The following MEGF10 variants were observed in gnomAD, a reference collection of about 807,000 sequenced individuals.
MEGF10 encodes the protein multiple EGF like domains 10.
A neutral mutation model predicts 147.5 loss-of-function variants in MEGF10; 86 were observed. That is an observed-to-expected ratio of 0.58 (90% confidence interval 0.49 to 0.70). MEGF10 has a LOEUF of 0.70. MEGF10 is among the 30% of genes least tolerant of loss of function. The pLI, the probability that MEGF10 is intolerant of heterozygous loss-of-function variation, is 0.00. For synonymous variants in MEGF10, 478 were observed against 525.5 expected, an observed-to-expected ratio of 0.91 and a Z score of 1.24; for missense variants, 1,329 against 1,487.3, an observed-to-expected ratio of 0.89 and a Z score of 1.75.
chr5:127,357,588 A>AAAATAAAT (rs71573990), intron 4 of MEGF10, among the ~76,000 whole-genome samples: 11,821 of 132,456 alleles, frequency 0.089, 601 homozygotes, highest in African/African-American at 0.12. Flanking sequence ...ACCCTGCCTC[A>AAAATAAAT]AAATAAATAA....
At chr5:127,336,544 T>G (rs188185297) in intron 2 of MEGF10, among the ~76,000 whole-genome samples, 1 of 152,258 alleles carries the variant, frequency 6.6e-6, no homozygotes, top group Non-Finnish European at 1.5e-5. Context: ...TTTTGGTTCC[T>G]AGAAACCAGT....
In MEGF10 at chr5:127,322,751, T is replaced by A. The variant is rs115552029; in HGVS notation, c.-18-8540T>A. Among the ~76,000 whole-genome samples, 1,287 of 152,292 alleles carry A rather than the reference T, an allele frequency of 8.5e-3. 17 individuals carry two copies. Among genetic ancestry groups the A allele is most frequent in the African/African-American group, 0.029 (1,206 of 41,562 alleles). On this transcript the variant is annotated intron_variant, in intron 1 of 24. Coordinates refer to ENST00000503335, the MANE Select transcript of MEGF10 (RefSeq NM_001256545.2). ...AACAGCTGATGAAATTTGAATTAGGTCTATGGATTAAATTGGTACTATTGC... is the reference window on the plus strand; with the variant it reads ...AACAGCTGATGAAATTTGAATTAGGACTATGGATTAAATTGGTACTATTGC...
chr5:127,243,826 TA>T, the MEGF10 span, among the ~76,000 whole-genome samples: 3 of 152,060 alleles, frequency 2.0e-5, no homozygotes, highest in Non-Finnish European at 4.4e-5. Flanking sequence ...TCTTCAACTG[TA>T]AAGATAAGAG....
At chr5:127,275,569 G>A in the MEGF10 span, among the ~76,000 whole-genome samples, 1 of 151,654 alleles carries the variant, frequency 6.6e-6, no homozygotes, top group Non-Finnish European at 1.5e-5. Flanking sequence ...CTGCCTTACT[G>A]CTGCCTTTCG....
intron 4 of MEGF10, among the ~76,000 whole-genome samples, chr5:127,355,824 C>T (rs1762259035): frequency 6.6e-6 from 1 of 151,540 alleles, no homozygotes; most frequent in Non-Finnish European, 1.5e-5. Context: ...TCAATCTAAA[C>T]AGAAGGAGAT....
At chr5:127,326,594 C>T (rs745980087) in intron 1 of MEGF10, among the ~76,000 whole-genome samples, 3 of 152,140 alleles carry the variant, frequency 2.0e-5, no homozygotes, top group Non-Finnish European at 4.4e-5. Context: ...TCTCTGTTCA[C>T]GGCCTCAAAG....
intron 1 of MEGF10, among the ~76,000 whole-genome samples, chr5:127,330,294 C>T (rs1761201425): frequency 6.6e-6 from 1 of 152,142 alleles, no homozygotes; most frequent in African/African-American, 2.4e-5. Context: ...CTTCTAATGC[C>T]ACTCTGCACC....
In MEGF10 at chr5:127,339,216, G is replaced by A. The variant is rs764902199; in HGVS notation, c.213G>A (p.Arg71=). Reference sequence around the variant, plus strand: ...TTCTAAACTGGTTTAAATGCACGCGGCACAGGTAATAGAAGCTCAGGCATG... The same window carrying A: ...TTCTAAACTGGTTTAAATGCACGCGACACAGGTAATAGAAGCTCAGGCATG... ...TDILNWFKCT[R]HRVSYRTAYR... The change falls in exon 3 of 25, where the codon CGG becomes CGA. Residue 71 remains arginine, a synonymous_variant. Transcript: ENST00000503335. The A allele has an allele frequency of 3.7e-6, 6 of 1,608,254 alleles. No individual in the cohort carries two copies. In the East Asian group the frequency reaches 6.7e-5, roughly 18 times the overall value.
chr5:127,459,898 T>G lies in MEGF10; in HGVS notation c.*2580T>G, dbSNP rs529247780. ...ATTTTCTAAATATTTTGATATCAAT[T>G]TGGGTAAAGAAAGGAATACTTTTGT... On this transcript the variant is annotated 3_prime_UTR_variant, in exon 25 of 25. Coordinates refer to ENST00000503335, the MANE Select transcript of MEGF10 (RefSeq NM_001256545.2). 6.6e-6 allele frequency: 1 copy of G among 152,296 alleles called. No homozygotes were observed. The highest frequency in any genetic ancestry group is 1.9e-4 in the East Asian group (1 of 5,188). 9.4% of individuals were successfully genotyped at this position (152,296 alleles called of 1,614,324 possible).
the MEGF10 span, among the ~76,000 whole-genome samples, chr5:127,266,653 A>C: frequency 6.6e-6 from 1 of 152,166 alleles, no homozygotes; most frequent in South Asian, 2.1e-4. Flanking sequence ...TGTAAGTTGG[A>C]TTCCTAGGTA....
intron 15 of MEGF10, 46 bp downstream of exon 15, chr5:127,434,867 C>T (rs2127002953): frequency 6.3e-7 from 1 of 1,583,856 alleles, no homozygotes; most frequent in Non-Finnish European, 8.6e-7. Flanking sequence ...ATGAGCACGC[C>T]CCGGAGAGTC....
At chr5:127,387,155 T>C (rs1201706236) in intron 5 of MEGF10, among the ~76,000 whole-genome samples, 1 of 152,212 alleles carries the variant, frequency 6.6e-6, no homozygotes, top group Non-Finnish European at 1.5e-5. Context: ...AATTGCTTGG[T>C]TGGTTGCTGA....
intron 9 of MEGF10, among the ~76,000 whole-genome samples, chr5:127,413,105 G>A (rs1389687138): frequency 6.6e-6 from 1 of 152,174 alleles, no homozygotes. Flanking sequence ...GATGGGAGGT[G>A]TTGCAAAGAA....
chr5:127,420,695 A>C (rs905187683), intron 12 of MEGF10, among the ~76,000 whole-genome samples: 2 of 152,044 alleles, frequency 1.3e-5, no homozygotes, highest in South Asian at 2.1e-4. Context: ...AGCCACAAAA[A>C]TTTCTTAAGA....
intron 2 of MEGF10, among the ~76,000 whole-genome samples, chr5:127,338,748 CTT>C (rs1761561935): frequency 6.6e-6 from 1 of 152,078 alleles, no homozygotes; most frequent in East Asian, 1.9e-4. Context: ...TGCATGCAGA[CTT>C]AGAATGAAAA....
At chr5:127,341,594 C>T (rs904381615) in intron 4 of MEGF10, among the ~76,000 whole-genome samples, 8 of 152,266 alleles carry the variant, frequency 5.3e-5, no homozygotes, top group African/African-American at 1.9e-4. Context: ...CGTCTTTCTT[C>T]CAACCCCTGG....
At chr5:127,457,021 A>C in intron 24 of MEGF10, 107 bp from the exon 25 acceptor site, 1 of 1,136,642 alleles carries the variant, frequency 8.8e-7, no homozygotes, top group South Asian at 1.8e-5. Context: ...ATTTCCTTAT[A>C]TTTTTTTAAA....
At chr5:127,359,627 A>C (rs1028482077) in intron 4 of MEGF10, among the ~76,000 whole-genome samples, 1 of 152,136 alleles carries the variant, frequency 6.6e-6, no homozygotes, top group Admixed American at 6.5e-5. Context: ...GTGGACTCAT[A>C]GAGTATTCTC....
intron 13 of MEGF10, chr5:127,424,373 A>G (rs1765137541): frequency 1.3e-6 from 1 of 747,672 alleles, no homozygotes; most frequent in South Asian, 1.5e-5. Flanking sequence ...TTGAATTTCC[A>G]TGTGAATGGT....
Sources: allele counts gnomAD v4.1 joint callset (sites outside exome capture counted in the v4.1 genomes callset), GRCh38; gene constraint gnomAD v4.1.1; transcripts MANE v1.5; gene names NCBI Gene and HGNC (gene_info 2026-07-23, HGNC 2026-07-21).